Variants in SLC6A20 observed in about 807,000 individuals in gnomAD.
The protein encoded by SLC6A20 is solute carrier family 6 member 20.
In SLC6A20, 73 loss-of-function variants were observed where a neutral mutation model predicts 64.3. That is an observed-to-expected ratio of 1.14 (90% CI 0.94 to 1.38). The LOEUF (loss-of-function observed/expected upper bound fraction) is 1.38. Ranked by LOEUF, SLC6A20 falls within the 40% of genes most tolerant of loss-of-function variation. SLC6A20 has a pLI of 0.00. For synonymous variants in SLC6A20, 347 were observed against 329.6 expected (o/e 1.05, Z -0.57); for missense variants, 725 against 772.8 (o/e 0.94, Z 0.73).
In SLC6A20 at chr3:45,772,573, T is replaced by A. The variant is rs766016305; in HGVS notation, c.625A>T (p.Ile209Phe). Residue 209 changes from isoleucine (I) to phenylalanine (F), a missense_variant, in exon 5 of 11, where the codon ATC (isoleucine) becomes TTC (phenylalanine). By Grantham distance (21) the Ile-to-Phe change is conservative. Coordinates refer to ENST00000358525, the MANE Select transcript of SLC6A20 (RefSeq NM_020208.4). ...AGCGTGAGGCCCCTGATGAGGTAGA[T>A]GATGAGCACGCAATAGGGCAGTGAC... is the stretch of plus-strand genomic sequence containing the variant. ...TASLPYCVLI[I>F]YLIRGLTLHG... 7 of 1,613,888 alleles carry A rather than the reference T, an allele frequency of 4.3e-6. No homozygotes were observed. The highest frequency in any genetic ancestry group is 8.5e-7 in the Non-Finnish European group (1 of 1,179,958).
intron 2 of SLC6A20, among the ~76,000 whole-genome samples, chr3:45,780,865 A>T (rs1575434115): frequency 6.6e-6 from 1 of 151,444 alleles, no homozygotes; most frequent in Non-Finnish European, 1.5e-5. Flanking sequence ...TCCCCTCCCC[A>T]CCCCCACTCC....
intron 3 of SLC6A20, among the ~76,000 whole-genome samples, chr3:45,777,872 G>A (rs77314325): frequency 2.6e-4 from 39 of 152,254 alleles, no homozygotes; most frequent in East Asian, 3.9e-4. Context: ...TAAGGCACCC[G>A]GGGGTGATGC....
In SLC6A20 at chr3:45,759,119, G is replaced by A. The variant is rs369964980; in HGVS notation, c.1638C>T (p.Leu546=). 331 of 1,610,102 alleles carry A rather than the reference G, an allele frequency of 2.1e-4. 1 individual carries two copies. Among genetic ancestry groups the A allele is most frequent in the Non-Finnish European group, 2.7e-4 (322 of 1,178,812 alleles). ...YQAWDASQGQ[L]VTKDYPAYAL... ...CATAGGCCGGGTAATCTTTGGTCACGAGCTGGCCCTGAAAGGAGAGACTGA... is the reference window on the plus strand; with the variant it reads ...CATAGGCCGGGTAATCTTTGGTCACAAGCTGGCCCTGAAAGGAGAGACTGA... Residue 546 remains leucine (L), a synonymous_variant, in exon 11 of 11, where the codon CTC becomes CTT. Transcript: ENST00000358525.
intron 5 of SLC6A20, chr3:45,771,870 C>A: frequency 4.8e-6 from 1 of 208,482 alleles, no homozygotes; most frequent in South Asian, 1.1e-4. Context: ...AGTTACTGCA[C>A]AGGTCTGGGC....
intron 4 of SLC6A20, 69 bp from the exon 5 acceptor site, chr3:45,772,684 T>G (rs1575429105): frequency 8.0e-7 from 1 of 1,250,796 alleles, no homozygotes; most frequent in East Asian, 2.5e-5. Flanking sequence ...CCATGCCCCA[T>G]GGAACACCAC....
intron 4 of SLC6A20, among the ~76,000 whole-genome samples, chr3:45,773,960 G>T (rs1162971928): frequency 2.0e-5 from 3 of 152,254 alleles, no homozygotes; most frequent in Admixed American, 6.5e-5. Context: ...CAGGCCCTTA[G>T]GGCCAGCCCC....
chr3:45,778,953 G>A (rs1700022754), intron 3 of SLC6A20, among the ~76,000 whole-genome samples: 1 of 152,190 alleles, frequency 6.6e-6, no homozygotes, highest in South Asian at 2.1e-4. Context: ...GAGCTCATTG[G>A]GAAGCCAGAG....
At chr3:45,779,506 C>T (rs961732762) in intron 3 of SLC6A20, among the ~76,000 whole-genome samples, 1 of 152,220 alleles carries the variant, frequency 6.6e-6, no homozygotes, top group East Asian at 1.9e-4. Flanking sequence ...TCTAGGAGAA[C>T]TTAGGGGTCT....
At position 45,758,529 on chromosome 3, in the gene SLC6A20, C is replaced by T. The variant is rs1575421746; in HGVS notation, c.*449G>A. On this transcript the variant is annotated 3_prime_UTR_variant, in exon 11 of 11. Coordinates refer to ENST00000358525, the MANE Select transcript of SLC6A20 (RefSeq NM_020208.4). ...TCAAAAAAGAAGAGAATTAATTTTG[C>T]ACCACTGACAAATAGGTCATCTTAG... 4 of 1,164,218 alleles carry T rather than the reference C, an allele frequency of 3.4e-6. No individual in the cohort carries two copies. The highest frequency in any genetic ancestry group is 1.5e-4 in the East Asian group (2 of 13,548). The allele number at this position is 1,164,218 out of a possible 1,614,324, so 72.1% of individuals were successfully genotyped here.
In SLC6A20 at chr3:45,776,520, A is replaced by G. The variant is rs191976031; in HGVS notation, c.355-532T>C. ...TTACTGGCTCCACCCTGCAAAGTCC[A>G]GGAGTCTAACTGCTTCAGGTATAGC... On this transcript the variant is annotated intron_variant, in intron 3 of 10. Coordinates refer to ENST00000358525, the MANE Select transcript of SLC6A20 (RefSeq NM_020208.4). Among the ~76,000 whole-genome samples, 36 of 152,306 alleles carry G rather than the reference A, an allele frequency of 2.4e-4. No homozygotes were observed. The East Asian group carries it at 5.4e-3, about 23-fold the overall frequency.
intron 7 of SLC6A20, among the ~76,000 whole-genome samples, chr3:45,769,261 T>C (rs533049991): frequency 1.6e-4 from 25 of 152,316 alleles, no homozygotes; most frequent in Non-Finnish European, 3.2e-4. Flanking sequence ...AGAAAGTATG[T>C]TCCTGAGTCA....
At chr3:45,763,112 C>A in intron 8 of SLC6A20, 40 bp from the exon 9 acceptor site, 2 of 1,610,754 alleles carry the variant, frequency 1.2e-6, no homozygotes, top group Non-Finnish European at 1.7e-6. Context: ...GCCCGAGACC[C>A]CCCCACTACT....
At chr3:45,771,711 G>C (rs2125725755) in intron 5 of SLC6A20, 5 of 591,942 alleles carry the variant, frequency 8.4e-6, no homozygotes, top group Non-Finnish European at 1.5e-5. Flanking sequence ...GAGGACATAA[G>C]GTGCTACGTA....
chr3:45,781,516 G>C (rs1700084250), intron 2 of SLC6A20, among the ~76,000 whole-genome samples: 2 of 152,184 alleles, frequency 1.3e-5, no homozygotes. Context: ...GGAAGTGCCT[G>C]GGGCTCTGGC....
rs1699760829 is a variant in SLC6A20 at position 45,765,532 on chromosome 3, C to T, written c.1303+5G>A. The T allele has an allele frequency of 6.2e-7, 1 of 1,610,548 alleles. No individual in the cohort carries two copies. The highest frequency in any genetic ancestry group is 8.5e-7 in the Non-Finnish European group (1 of 1,178,612). On this transcript the variant is annotated splice_donor_5th_base_variant and intron_variant, in intron 8 of 10. Transcript: ENST00000358525. The surrounding 1 kb of genome is among the most constrained non-coding windows in gnomAD (Gnocchi z 4.2). ...CTGCCTCCTCCACTGGCTGGCCCCG[C>T]TGACCTGAGATGGCCTCCTTGGGCA...
At chr3:45,789,394 A>C (rs7644870) in intron 1 of SLC6A20, among the ~76,000 whole-genome samples, 38,675 of 152,130 alleles carry the variant, frequency 0.25, 5,370 homozygotes, top group East Asian at 0.49. Context: ...ACATAACCTG[A>C]TAATAAATAT....
Position 45,765,371 on chromosome 3 carries a change from C to T in SLC6A20, c.1303+166G>A, listed in dbSNP as rs1034840670. Among the ~76,000 whole-genome samples the T allele has an allele frequency of 7.2e-5, 11 of 152,100 alleles. No individual in the cohort carries two copies. The highest frequency in any genetic ancestry group is 2.7e-4 in the African/African-American group (11 of 41,406). ...GGAACGCACAGGGTGAATCACATGGCCCAGGTCCCAGGTTGTGAGAAGACA... is the reference window on the plus strand; with the variant it reads ...GGAACGCACAGGGTGAATCACATGGTCCAGGTCCCAGGTTGTGAGAAGACA... On this transcript the variant is annotated intron_variant, in intron 8 of 10. Transcript: ENST00000358525. The surrounding 1 kb of genome is among the most constrained non-coding windows in gnomAD (Gnocchi z 4.2).
At chr3:45,780,617 G>A (rs981378961) in intron 2 of SLC6A20, among the ~76,000 whole-genome samples, 33 of 152,176 alleles carry the variant, frequency 2.2e-4, no homozygotes, top group Non-Finnish European at 2.1e-4. Flanking sequence ...GGTGTGAGGA[G>A]GCGGTGGGGA....
chr3:45,785,067 A>G (rs1224257565), intron 1 of SLC6A20, among the ~76,000 whole-genome samples: 4 of 152,246 alleles, frequency 2.6e-5, no homozygotes, highest in Non-Finnish European at 5.9e-5. Context: ...CTAAGTTTTC[A>G]ACACATGAGC....
Sources: gnomAD v4.1 joint callset for allele counts (sites outside exome capture counted in the v4.1 genomes callset) on GRCh38, gnomAD v4.1.1 for gene constraint, Gnocchi (gnomAD v3.1) non-coding constraint, MANE v1.5 for transcripts, NCBI Gene and HGNC (gene_info 2026-07-23, HGNC 2026-07-21) for gene names.